Variants in VTI1A observed in about 807,000 individuals in gnomAD.
VTI1A encodes vesicle transport through interaction with t-SNAREs homolog 1A.
VTI1A carries 22 observed loss-of-function variants against 34.9 expected under a neutral mutation model. The observed-to-expected ratio is 0.63, with a 90% CI of 0.45 to 0.90. The LOEUF is 0.90. Among genes scored for constraint, VTI1A ranks in the 40% least tolerant of loss-of-function variants. The pLI is 0.00. For missense variants in VTI1A, 268 were observed against 275.6 expected (o/e 0.97, Z 0.20); for synonymous variants, 87 against 97.3 (o/e 0.89, Z 0.62).
chr10:112,703,870 A>G (rs564007183), intron 7 of VTI1A, among the ~76,000 whole-genome samples: 1 of 152,352 alleles, frequency 6.6e-6, no homozygotes, highest in South Asian at 2.1e-4. Flanking sequence ...AAAATTAATA[A>G]TGAAAGTTAT....
At chr10:112,599,509 G>A (rs560704059) in intron 5 of VTI1A, among the ~76,000 whole-genome samples, 10 of 152,282 alleles carry the variant, frequency 6.6e-5, no homozygotes, top group South Asian at 4.1e-4. Context: ...GCCAATAAGC[G>A]CTGAAGGAGA....
the VTI1A span, among the ~76,000 whole-genome samples, chr10:112,850,773 A>G: frequency 6.6e-6 from 1 of 152,224 alleles, no homozygotes; most frequent in South Asian, 2.1e-4. Context: ...TTCAAAAACA[A>G]CTAAAACTTT....
intron 7 of VTI1A, among the ~76,000 whole-genome samples, chr10:112,701,308 T>C (rs1481092755): frequency 6.6e-6 from 1 of 152,202 alleles, no homozygotes; most frequent in Non-Finnish European, 1.5e-5. Flanking sequence ...ATAGCAACAC[T>C]TGGATGCCTG....
intron 3 of VTI1A, among the ~76,000 whole-genome samples, chr10:112,495,015 T>A (rs1848961265): frequency 6.6e-6 from 1 of 152,122 alleles, no homozygotes; most frequent in African/African-American, 2.4e-5. Context: ...CAAATGCTTT[T>A]AAGGTCTCAG....
At chr10:112,514,871 T>C (rs1205267150) in intron 3 of VTI1A, among the ~76,000 whole-genome samples, 1 of 152,024 alleles carries the variant, frequency 6.6e-6, no homozygotes, top group Non-Finnish European at 1.5e-5. Flanking sequence ...TGCCTGTATA[T>C]GGAGTATATC....
At chr10:112,597,574 G>T (rs11818259) in intron 5 of VTI1A, among the ~76,000 whole-genome samples, 4,937 of 150,424 alleles carry the variant, frequency 0.033, 287 homozygotes, top group African/African-American at 0.12. Flanking sequence ...AGGTACAGTG[G>T]TACATGCCTA....
rs34033101 is a variant in VTI1A, at chr10:112,739,856, G to T, written c.560+70858G>T. On this transcript the variant is annotated intron_variant, in intron 7 of 7. Transcript: ENST00000393077. The stretch of plus-strand genomic sequence containing the variant: ...TATCTTTCTTGTTGCTGGGGCCAAG[G>T]CCCCCAGAAAGTGGAAACATAAGCA... 4.4e-3 allele frequency among the ~76,000 whole-genome samples: 674 copies of T among 152,306 alleles called. 10 individuals are homozygous for T. Among genetic ancestry groups the T allele is most frequent in the Non-Finnish European group, 4.5e-3 (308 of 68,020 alleles).
intron 5 of VTI1A, among the ~76,000 whole-genome samples, chr10:112,649,849 T>C (rs1846941956): frequency 6.6e-6 from 1 of 152,122 alleles, no homozygotes; most frequent in African/African-American, 2.4e-5. Context: ...ATTTAAACAG[T>C]AAAAATATGA....
chr10:112,738,983 T>C (rs1850595573), intron 7 of VTI1A, among the ~76,000 whole-genome samples: 1 of 152,198 alleles, frequency 6.6e-6, no homozygotes, highest in South Asian at 2.1e-4. Flanking sequence ...AGATTCCCAA[T>C]GATGCATGCA....
intron 5 of VTI1A, among the ~76,000 whole-genome samples, chr10:112,628,350 G>T (rs1467184843): frequency 6.6e-6 from 1 of 152,130 alleles, no homozygotes; most frequent in African/African-American, 2.4e-5. Flanking sequence ...GTTGCAAAAC[G>T]AGGTTATTGT....
chr10:112,492,612 C>T (rs1050329392), intron 3 of VTI1A, among the ~76,000 whole-genome samples: 6 of 151,848 alleles, frequency 4.0e-5, no homozygotes, highest in African/African-American at 1.2e-4. Context: ...ATGGTGAGAC[C>T]CTGTCTCTAC....
chr10:112,534,262 A>C (rs1850545724), intron 4 of VTI1A, among the ~76,000 whole-genome samples: 1 of 152,144 alleles, frequency 6.6e-6, no homozygotes, highest in Admixed American at 6.5e-5. Context: ...TGTATTAATG[A>C]GGGATGCTGA....
chr10:112,519,915 C>G (rs1183758734), intron 3 of VTI1A, among the ~76,000 whole-genome samples: 1 of 151,930 alleles, frequency 6.6e-6, no homozygotes, highest in Non-Finnish European at 1.5e-5. Flanking sequence ...CTTCCCAATG[C>G]TAGGCAGATG....
downstream of VTI1A, among the ~76,000 whole-genome samples, chr10:112,821,459 A>G (rs1315948244): frequency 6.6e-6 from 1 of 152,168 alleles, no homozygotes; most frequent in Non-Finnish European, 1.5e-5. Flanking sequence ...TGCCAGGGTA[A>G]GCACCTAAGT....
chr10:112,819,914 T>C (rs530547905), downstream of VTI1A, among the ~76,000 whole-genome samples: 1 of 152,272 alleles, frequency 6.6e-6, no homozygotes, highest in Admixed American at 6.5e-5. Flanking sequence ...GAAGTTCCTT[T>C]CTCCCATCCC....
chr10:112,585,805 A>G (rs559821287), intron 5 of VTI1A, among the ~76,000 whole-genome samples: 24 of 152,236 alleles, frequency 1.6e-4, no homozygotes, highest in Admixed American at 1.2e-3. Context: ...ATTCTAGCAT[A>G]AAAAGTGTTG....
At chr10:112,780,699 A>C (rs1852098224) in intron 7 of VTI1A, among the ~76,000 whole-genome samples, 1 of 152,182 alleles carries the variant, frequency 6.6e-6, no homozygotes, top group Non-Finnish European at 1.5e-5. Context: ...CAGTAAAATT[A>C]GTATGTGGCT....
At chr10:112,822,035 A>G (rs1050356234), downstream of VTI1A, among the ~76,000 whole-genome samples, 1 of 152,198 alleles carries the variant, frequency 6.6e-6, no homozygotes, top group Non-Finnish European at 1.5e-5. Context: ...AGACAGCTTC[A>G]GTCCTACCAG....
At chr10:112,537,549 A>C (rs943160091) in intron 4 of VTI1A, among the ~76,000 whole-genome samples, 2 of 151,950 alleles carry the variant, frequency 1.3e-5, no homozygotes, top group South Asian at 4.1e-4. Context: ...TAATTACTGT[A>C]AATTTAGTTC....
Sources: gnomAD v4.1 joint callset for allele counts (sites outside exome capture counted in the v4.1 genomes callset) on GRCh38, gnomAD v4.1.1 for gene constraint, MANE v1.5 for transcripts, NCBI Gene and HGNC (gene_info 2026-07-23, HGNC 2026-07-21) for gene names.